Variants in NLRP11 observed in about 807,000 individuals in gnomAD.
NLRP11 encodes the protein NACHT, LRR and PYD domains-containing protein 11.
NLRP11 carries 53 observed loss-of-function variants against 79.3 expected under a neutral mutation model. That is an observed-to-expected ratio of 0.67 (90% CI 0.54 to 0.84). The LOEUF (loss-of-function observed/expected upper bound fraction) is 0.84, where lower values mean the gene tolerates loss of function less well. NLRP11 is among the 40% of genes least tolerant of loss of function. The pLI is 0.00. For synonymous variants in NLRP11, 518 were observed against 462.6 expected (o/e 1.12, Z -1.54); for missense variants, 1,264 against 1,255.0 (o/e 1.01, Z -0.11).
At chr19:55,794,308 T>C (rs1229455295) in intron 6 of NLRP11, among the ~76,000 whole-genome samples, 1 of 152,220 alleles carries the variant, frequency 6.6e-6, no homozygotes. Flanking sequence ...AAAAAACTTG[T>C]AGATATGAGA....
intron 1 of NLRP11, among the ~76,000 whole-genome samples, chr19:55,821,056 T>C (rs1003366157): frequency 1.3e-4 from 20 of 152,164 alleles, no homozygotes; most frequent in Admixed American, 8.5e-4. Context: ...ACATGGCTTA[T>C]GCTGAAGCTT....
upstream of NLRP11, chr19:55,836,480 T>A (rs536533387): frequency 1.3e-5 from 2 of 152,266 alleles, no homozygotes; most frequent in African/African-American, 2.4e-5. Context: ...AGGGAGCAAT[T>A]CGTTGGCCAA....
At chr19:55,835,129 T>G (rs1427821262), upstream of NLRP11, among the ~76,000 whole-genome samples, 1 of 152,148 alleles carries the variant, frequency 6.6e-6, no homozygotes, top group Non-Finnish European at 1.5e-5. Context: ...TCTCATTATG[T>G]TTCTCTGCAC....
chr19:55,822,955 G>A (rs1398219041), intron 1 of NLRP11, among the ~76,000 whole-genome samples: 15 of 152,252 alleles, frequency 9.9e-5, no homozygotes, highest in Non-Finnish European at 7.4e-5. Flanking sequence ...CCACCTCTGG[G>A]GGCAGGGCAC....
chr19:55,822,630 C>T lies in NLRP11; in HGVS notation c.-62-4394G>A, dbSNP rs1007395973. On this transcript the variant is annotated intron_variant, in intron 1 of 9. Transcript: ENST00000589093. ...CGCGAGGGGTCAGGGAGTTCCCTTT[C>T]CGAGTCAAAGAAAGGGGTGACGGAC... Among the ~76,000 whole-genome samples the T allele has an allele frequency of 2.6e-4, 40 of 152,252 alleles. 1 individual carries two copies. Among genetic ancestry groups the T allele is most frequent in the Middle Eastern group, 6.8e-3 (2 of 294 alleles).
chr19:55,794,417 T>A (rs1978598214), intron 6 of NLRP11, among the ~76,000 whole-genome samples: 2 of 152,132 alleles, frequency 1.3e-5, no homozygotes, highest in Admixed American at 1.3e-4. Context: ...ATATTGACAA[T>A]TACTTACTGG....
chr19:55,808,784 A>C (rs138043495), exon 3 of NLRP11: 2 of 1,609,470 alleles, frequency 1.2e-6, no homozygotes, highest in Admixed American at 1.7e-5. Context: ...AGTTGGCCTT[A>C]TAAGTGGCTC....
chr19:55,794,949 G>A (rs1034476401), intron 6 of NLRP11, among the ~76,000 whole-genome samples: 1 of 152,208 alleles, frequency 6.6e-6, no homozygotes, highest in Non-Finnish European at 1.5e-5. Flanking sequence ...GGAGCTAAAG[G>A]GAGCCAAAAA....
chr19:55,791,768 G>A (rs1990247238), intron 7 of NLRP11, among the ~76,000 whole-genome samples: 1 of 152,152 alleles, frequency 6.6e-6, no homozygotes, highest in South Asian at 2.1e-4. Context: ...AAAAACTGTA[G>A]TGGCTTGTTA....
chr19:55,789,077 T>G (rs930287017), intron 8 of NLRP11, 100 bp from the exon 9 acceptor site: 2 of 1,467,524 alleles, frequency 1.4e-6, no homozygotes, highest in African/African-American at 1.4e-5. Context: ...CCTCCAAGTT[T>G]TGGGCAAAAG....
At chr19:55,804,787 G>A (rs888975755) in intron 4 of NLRP11, among the ~76,000 whole-genome samples, 1 of 150,098 alleles carries the variant, frequency 6.7e-6, no homozygotes, top group Non-Finnish European at 1.5e-5. Context: ...ATTCACGGCT[G>A]GGTGCGGTGG....
chr19:55,830,516 G>A (rs1982646724), intron 1 of NLRP11, among the ~76,000 whole-genome samples: 2 of 146,262 alleles, frequency 1.4e-5, no homozygotes, highest in African/African-American at 5.1e-5. Context: ...GTCTTTAGGT[G>A]TTTCTGATTT....
intron 7 of NLRP11, 59 bp from the exon 8 acceptor site, chr19:55,789,458 CA>C: frequency 6.7e-7 from 1 of 1,498,126 alleles, no homozygotes; most frequent in Non-Finnish European, 9.1e-7. Context: ...ATTTATTTCA[CA>C]GAGTGTTAAG....
At chr19:55,806,620 T>A (rs1412961642) in intron 4 of NLRP11, among the ~76,000 whole-genome samples, 1 of 152,190 alleles carries the variant, frequency 6.6e-6, no homozygotes, top group Admixed American at 6.5e-5. Context: ...GCTCCCCGAT[T>A]GGCCATTTTT....
intron 4 of NLRP11, among the ~76,000 whole-genome samples, chr19:55,807,126 T>C (rs1048158416): frequency 1.2e-4 from 18 of 152,038 alleles, no homozygotes; most frequent in African/African-American, 3.1e-4. Context: ...TTGTCTTTTT[T>C]CCCCCCATTG....
intron 4 of NLRP11, among the ~76,000 whole-genome samples, chr19:55,802,434 A>C (rs1979568576): frequency 6.6e-6 from 1 of 152,252 alleles, no homozygotes; most frequent in African/African-American, 2.4e-5. Flanking sequence ...TTGCTCACAA[A>C]GAATACCTAG....
chr19:55,836,503 A>T (rs1983297498), upstream of NLRP11: 1 of 152,212 alleles, frequency 6.6e-6, no homozygotes, highest in Non-Finnish European at 1.5e-5. Context: ...AAATGGCACC[A>T]CGGATCTTTT....
chr19:55,815,527 T>TAAAAAA (rs1981028904), intron 2 of NLRP11, among the ~76,000 whole-genome samples: 1 of 58,738 alleles, frequency 1.7e-5, no homozygotes, highest in African/African-American at 1.4e-4. Flanking sequence ...AGACTCCATC[T>TAAAAAA]CAAAAAAAAA....
At chr19:55,813,129 A>T (rs1348614114) in intron 2 of NLRP11, among the ~76,000 whole-genome samples, 1 of 152,114 alleles carries the variant, frequency 6.6e-6, no homozygotes, top group East Asian at 1.9e-4. Context: ...GGAGTTCGAG[A>T]CCAGCCTGGC....
Sources: allele counts gnomAD v4.1 joint callset (sites outside exome capture counted in the v4.1 genomes callset), GRCh38; gene constraint gnomAD v4.1.1; transcripts MANE v1.5; gene names NCBI Gene and HGNC (gene_info 2026-07-23, HGNC 2026-07-21).